RABGAP1L: variants seen among roughly 807,000 people sequenced by gnomAD.
RABGAP1L encodes the protein RAB GTPase activating protein 1 like, also known as rab GTPase-activating protein 1-like.
RABGAP1L carries 63 observed loss-of-function variants against 137.7 expected under a neutral mutation model. The observed-to-expected ratio is 0.46, with a 90% CI of 0.37 to 0.56. RABGAP1L has a LOEUF of 0.56. Among genes scored for constraint, RABGAP1L ranks in the 20% least tolerant of loss-of-function variants. RABGAP1L has a pLI of 0.00. For synonymous variants in RABGAP1L, 431 were observed against 433.7 expected, an observed-to-expected ratio of 0.99 and a Z score of 0.08; for missense variants, 1,095 against 1,244.0, an observed-to-expected ratio of 0.88 and a Z score of 1.80.
chr1:174,733,109 G>C (rs1682637183), intron 17 of RABGAP1L, among the ~76,000 whole-genome samples: 1 of 152,112 alleles, frequency 6.6e-6, no homozygotes. Context: ...ACCTAGGAAG[G>C]CTGGCTCCGA....
chr1:174,840,634 C>CA (rs571457207), intron 19 of RABGAP1L, among the ~76,000 whole-genome samples: 36,488 of 113,182 alleles, frequency 0.32, 5,573 homozygotes, highest in East Asian at 0.47. Context: ...ACTAAAAATA[C>CA]AAAAAAAAAA....
chr1:174,162,777 G>GTTTTTTTTTTTTTTTTTTTT (rs67811794), intron 1 of RABGAP1L, among the ~76,000 whole-genome samples: 1 of 51,556 alleles, frequency 1.9e-5, no homozygotes, highest in Non-Finnish European at 3.3e-5. Flanking sequence ...TTCTCTTTCT[G>GTTTTTTTTTTTTTTTTTTTT]TTTTTTTTTT....
intron 13 of RABGAP1L, among the ~76,000 whole-genome samples, chr1:174,414,542 G>A (rs7523263): frequency 0.58 from 87,284 of 151,742 alleles, 27,460 homozygotes; most frequent in African/African-American, 0.85. Flanking sequence ...ATATGCCCAG[G>A]GCCTGGTACT....
chr1:174,728,660 T>G (rs1169525707), intron 17 of RABGAP1L, among the ~76,000 whole-genome samples: 2 of 145,626 alleles, frequency 1.4e-5, no homozygotes, highest in Non-Finnish European at 3.0e-5. Flanking sequence ...TGCGGTGGTG[T>G]GATCTCAGCT....
intron 13 of RABGAP1L, chr1:174,548,317 G>T (rs1315475582): frequency 5.8e-6 from 7 of 1,208,012 alleles, no homozygotes; most frequent in Non-Finnish European, 6.2e-6. Context: ...TTATCCATTT[G>T]TAAAATGATA....
intron 12 of RABGAP1L, among the ~76,000 whole-genome samples, chr1:174,392,530 A>G (rs1284572467): frequency 6.6e-6 from 1 of 152,244 alleles, no homozygotes. Context: ...CAACAATACA[A>G]AAGCTTAGCT....
intron 14 of RABGAP1L, among the ~76,000 whole-genome samples, chr1:174,670,748 G>T (rs1387915403): frequency 6.6e-6 from 1 of 152,114 alleles, no homozygotes; most frequent in Non-Finnish European, 1.5e-5. Context: ...AGGCTGAATA[G>T]TACTCCATTG....
intron 14 of RABGAP1L, among the ~76,000 whole-genome samples, chr1:174,662,468 G>T (rs142560150): frequency 0.022 from 3,356 of 152,178 alleles, 56 homozygotes; most frequent in Middle Eastern, 0.085. Flanking sequence ...CCAGGCTGGA[G>T]TGCAGTGGCG....
At chr1:174,421,117 A>G (rs763674158) in intron 13 of RABGAP1L, among the ~76,000 whole-genome samples, 8 of 152,244 alleles carry the variant, frequency 5.3e-5, no homozygotes, top group Non-Finnish European at 1.0e-4. Flanking sequence ...CTTCTGGGAC[A>G]GAATGAAGAC....
intron 13 of RABGAP1L, among the ~76,000 whole-genome samples, chr1:174,474,009 A>G (rs979935087): frequency 6.6e-6 from 1 of 152,208 alleles, no homozygotes; most frequent in Non-Finnish European, 1.5e-5. Flanking sequence ...TTATATAAAC[A>G]TAGTGCTTAT....
chr1:174,534,816 G>C (rs1664776528), intron 13 of RABGAP1L, among the ~76,000 whole-genome samples: 1 of 137,228 alleles, frequency 7.3e-6, no homozygotes, highest in Non-Finnish European at 1.6e-5. Context: ...AATTAGAATA[G>C]TATGCCAGTA....
chr1:174,839,225 T>C (rs895910736), intron 19 of RABGAP1L, among the ~76,000 whole-genome samples: 11 of 152,212 alleles, frequency 7.2e-5, no homozygotes, highest in African/African-American at 2.7e-4. Context: ...TCATGAGACC[T>C]GGTTAAACTA....
chr1:174,984,781 T>C (rs1054896085), intron 24 of RABGAP1L, among the ~76,000 whole-genome samples: 2 of 152,038 alleles, frequency 1.3e-5, no homozygotes, highest in Non-Finnish European at 2.9e-5. Flanking sequence ...CTAAGTTGGA[T>C]CACAATGACA....
intron 13 of RABGAP1L, among the ~76,000 whole-genome samples, chr1:174,429,030 A>G (rs1283364744): frequency 1.3e-5 from 2 of 152,146 alleles, no homozygotes; most frequent in African/African-American, 4.8e-5. Flanking sequence ...TGTAAAATTA[A>G]ATTAGGTTCT....
chr1:174,251,573 TA>T (rs1043725914), intron 6 of RABGAP1L, among the ~76,000 whole-genome samples: 8 of 151,832 alleles, frequency 5.3e-5, no homozygotes, highest in African/African-American at 1.9e-4. Context: ...TCTTTTTAGA[TA>T]AGACAAGCCA....
intron 11 of RABGAP1L, among the ~76,000 whole-genome samples, chr1:174,333,650 G>A (rs760003516): frequency 2.0e-5 from 3 of 152,120 alleles, no homozygotes; most frequent in Non-Finnish European, 4.4e-5. Context: ...TGAACCTTAT[G>A]TCTATCATAT....
intron 15 of RABGAP1L, among the ~76,000 whole-genome samples, chr1:174,694,861 G>T (rs557144838): frequency 3.1e-4 from 47 of 151,580 alleles, no homozygotes; most frequent in African/African-American, 1.1e-3. Context: ...TCCAGCACCT[G>T]TTGTTTCCTG....
At chr1:174,522,127 A>G (rs1410929974) in intron 13 of RABGAP1L, among the ~76,000 whole-genome samples, 1 of 152,100 alleles carries the variant, frequency 6.6e-6, no homozygotes, top group Non-Finnish European at 1.5e-5. Flanking sequence ...TCCTCCTCAT[A>G]CAGCTAGGCC....
At chr1:174,214,981 A>G (rs1010464036) in intron 1 of RABGAP1L, among the ~76,000 whole-genome samples, 1 of 152,230 alleles carries the variant, frequency 6.6e-6, no homozygotes, top group Non-Finnish European at 1.5e-5. Flanking sequence ...GCAAAAATGG[A>G]CAAATGGTAT....
Sources: gnomAD v4.1 joint callset for allele counts (sites outside exome capture counted in the v4.1 genomes callset) on GRCh38, gnomAD v4.1.1 for gene constraint, MANE v1.5 for transcripts, NCBI Gene and HGNC (gene_info 2026-07-23, HGNC 2026-07-21) for gene names.